RFX8: variants seen among roughly 807,000 people sequenced by gnomAD.
RFX8 encodes DNA-binding protein RFX8.
Under a neutral mutation model 54.6 loss-of-function variants are expected in RFX8, and 46 were observed. The ratio of observed to expected loss-of-function variants is 0.84; its 90% CI spans 0.67 to 1.08. The LOEUF (loss-of-function observed/expected upper bound fraction) is 1.08. Among genes scored for constraint, RFX8 ranks in the 50% least tolerant of loss-of-function variants. The probability of loss-of-function intolerance (pLI) is 0.00; values close to 1 mark genes in which losing one functional copy is unlikely to be tolerated. For synonymous variants in RFX8, 192 were observed against 209.5 expected (o/e 0.92, Z 0.72); for missense variants, 536 against 562.3 (o/e 0.95, Z 0.47).
chr2:101,409,786 C>G (rs1685986552), intron 9 of RFX8, among the ~76,000 whole-genome samples: 1 of 152,132 alleles, frequency 6.6e-6, no homozygotes, highest in African/African-American at 2.4e-5. Flanking sequence ...AGGCATGAGC[C>G]ACCGTGCCTG....
intron 2 of RFX8, among the ~76,000 whole-genome samples, chr2:101,458,729 G>A (rs1275683831): frequency 6.6e-6 from 1 of 152,176 alleles, no homozygotes; most frequent in East Asian, 1.9e-4. Flanking sequence ...GGTATTCTCT[G>A]TATTTCCTGA....
chr2:101,405,912 A>C lies in RFX8; in HGVS notation c.928+31T>G, dbSNP rs1416549649. 8.2e-6 allele frequency: 11 copies of C among 1,348,278 alleles called. No individual in the cohort carries two copies. In the East Asian group the frequency reaches 2.8e-4, roughly 34 times the overall value. 83.5% of individuals were successfully genotyped at this position (1,348,278 alleles called of 1,614,324 possible). On this transcript the variant is annotated intron_variant, in intron 10 of 11. Transcript: ENST00000428343. ...CATAATGACATTTTTAAAAGGTAGA[A>C]TACAAAATACTTTCTTATTCTCTGA...
chr2:101,437,033 A>T (rs1291786659), intron 2 of RFX8, among the ~76,000 whole-genome samples: 1 of 152,204 alleles, frequency 6.6e-6, no homozygotes, highest in Non-Finnish European at 1.5e-5. Context: ...GGGCTGTGGG[A>T]TACTTCATGG....
chr2:101,402,792 G>T lies in RFX8; in HGVS notation c.929-40C>A, dbSNP rs773922050. 2 of 1,485,260 alleles carry T rather than the reference G, an allele frequency of 1.3e-6. 1 individual carries two copies. The highest frequency in any genetic ancestry group is 2.6e-5 in the South Asian group (2 of 77,430). The allele number at this position is 1,485,260 out of a possible 1,614,324, so 92.0% of individuals were successfully genotyped here. A position where few individuals can be genotyped will look rare whatever the true frequency, so the allele number is the denominator to read the frequency against. On this transcript the variant is annotated intron_variant, in intron 10 of 11. Transcript: ENST00000428343. ...TAACCAAAAATGAATACATTTGATC[G>T]ACAGACAATAAACAAATCATTGTGA...
intron 2 of RFX8, among the ~76,000 whole-genome samples, chr2:101,455,090 T>C (rs1345263185): frequency 1.3e-5 from 2 of 151,342 alleles, no homozygotes; most frequent in African/African-American, 4.9e-5. Flanking sequence ...AGCTCATTGC[T>C]ACCTCCGCCT....
intron 2 of RFX8, chr2:101,450,723 G>T: frequency 9.8e-7 from 1 of 1,023,330 alleles, no homozygotes; most frequent in Non-Finnish European, 1.5e-6. Context: ...TCTAACTACT[G>T]ACATGCTTTA....
intron 9 of RFX8, among the ~76,000 whole-genome samples, chr2:101,409,067 C>T (rs1487282826): frequency 6.6e-6 from 1 of 152,206 alleles, no homozygotes; most frequent in African/African-American, 2.4e-5. Flanking sequence ...CGATCCCCCT[C>T]TCTCAGCTTA....
intron 2 of RFX8, among the ~76,000 whole-genome samples, chr2:101,463,560 G>A (rs760716928): frequency 2.0e-5 from 3 of 152,320 alleles, no homozygotes; most frequent in Admixed American, 6.5e-5. Context: ...CTGGACAGGC[G>A]GTCAGCCACA....
chr2:101,400,075 T>C (rs908216443), intron 11 of RFX8, among the ~76,000 whole-genome samples: 16 of 152,200 alleles, frequency 1.1e-4, no homozygotes, highest in African/African-American at 3.4e-4. Context: ...ACCTATTTCA[T>C]TGAGATGAAA....
chr2:101,408,045 G>A (rs1685847325), intron 9 of RFX8, among the ~76,000 whole-genome samples: 1 of 152,230 alleles, frequency 6.6e-6, no homozygotes, highest in South Asian at 2.1e-4. Context: ...AAGGCACGCA[G>A]TTACAAAAAC....
At chr2:101,414,466 G>T (rs1321524665) in intron 7 of RFX8, among the ~76,000 whole-genome samples, 3 of 151,614 alleles carry the variant, frequency 2.0e-5, no homozygotes, top group Non-Finnish European at 2.9e-5. Context: ...TAGAGACAGG[G>T]TTTTGCCATG....
At chr2:101,414,717 G>C in intron 7 of RFX8, 137 bp downstream of exon 7, 1 of 602,032 alleles carries the variant, frequency 1.7e-6, no homozygotes, top group Non-Finnish European at 3.0e-6. Flanking sequence ...TCTGCCAATG[G>C]CCAGGCAAGG....
chr2:101,417,476 G>C (rs1686596032), intron 6 of RFX8, 58 bp downstream of exon 6: 2 of 1,485,080 alleles, frequency 1.3e-6, no homozygotes, highest in African/African-American at 2.8e-5. Context: ...AAAGTGCTGG[G>C]ATTACAGGCA....
intron 2 of RFX8, among the ~76,000 whole-genome samples, chr2:101,446,409 C>T (rs1051250293): frequency 1.5e-5 from 2 of 132,754 alleles, no homozygotes; most frequent in Non-Finnish European, 3.5e-5. Context: ...CTCCTGACCT[C>T]GTGATCCACT....
At chr2:101,466,926 G>T in intron 1 of RFX8, 26 bp from the exon 2 acceptor site, 1 of 1,068,542 alleles carries the variant, frequency 9.4e-7, no homozygotes. Flanking sequence ...ACAAGGAGGA[G>T]GAAATTGGCA....
chr2:101,411,345 G>A (rs1051742955), intron 8 of RFX8, among the ~76,000 whole-genome samples: 1 of 152,202 alleles, frequency 6.6e-6, no homozygotes, highest in Non-Finnish European at 1.5e-5. Flanking sequence ...CTTGGACTTG[G>A]AACTGGAATC....
chr2:101,459,292 A>G (rs1479258398), intron 2 of RFX8, among the ~76,000 whole-genome samples: 2 of 151,938 alleles, frequency 1.3e-5, no homozygotes, highest in African/African-American at 2.4e-5. Flanking sequence ...GAGAAGAGGC[A>G]CTCTGGTTTT....
At chr2:101,455,455 A>G (rs189538175) in intron 2 of RFX8, among the ~76,000 whole-genome samples, 3 of 152,312 alleles carry the variant, frequency 2.0e-5, no homozygotes, top group Admixed American at 2.0e-4. Flanking sequence ...TTTCATAGCA[A>G]CATTTATTAA....
In RFX8 at chr2:101,406,008, A is replaced by C; in HGVS notation, c.863T>G (p.Leu288Arg). ...AGCAGTGAGAAGAAGATTCCATCTC[A>C]GCTGGAAGCTGGCGGCCAATTTGGT... is the stretch of plus-strand genomic sequence containing the variant. ...EFTKLAASFQ[L>R]RWNLLLTAVS... Residue 288 changes from leucine to arginine, a missense_variant, in exon 10 of 12, where the codon CTG (leucine) becomes CGG (arginine). Physicochemically the swap from Leu to Arg is moderately radical, Grantham distance 102 (BLOSUM62 -2). Transcript: ENST00000428343. The C allele has an allele frequency of 6.5e-7, 1 of 1,549,392 alleles. No homozygotes were observed. Among genetic ancestry groups the C allele is most frequent in the Non-Finnish European group, 8.7e-7 (1 of 1,145,980 alleles).
Sources: gnomAD v4.1 joint callset for allele counts (sites outside exome capture counted in the v4.1 genomes callset) on GRCh38, gnomAD v4.1.1 for gene constraint, MANE v1.5 for transcripts, NCBI Gene and HGNC (gene_info 2026-07-23, HGNC 2026-07-21) for gene names.